Variants in EIF4B observed in about 807,000 individuals in gnomAD.
The protein encoded by EIF4B is eukaryotic translation initiation factor 4B.
Under a neutral mutation model 79.3 loss-of-function variants are expected in EIF4B, and 8 were observed. The observed-to-expected ratio is 0.10, with a 90% CI of 0.06 to 0.18. The LOEUF is 0.18. Among genes scored for constraint, EIF4B ranks in the 10% least tolerant of loss-of-function variants. The pLI is 1.00. For synonymous variants in EIF4B, 238 were observed against 274.7 expected, an observed-to-expected ratio of 0.87 and a Z score of 1.32; for missense variants, 515 against 792.4, an observed-to-expected ratio of 0.65 and a Z score of 4.20.
chr12:53,014,260 A>C (rs897442365), intron 1 of EIF4B, among the ~76,000 whole-genome samples: 2 of 152,018 alleles, frequency 1.3e-5, no homozygotes, highest in East Asian at 3.9e-4. Flanking sequence ...AAAAAAAAAA[A>C]AATTAGCCTG....
chr12:53,040,629 T>C lies in EIF4B; in HGVS notation c.*406T>C. 1 of 157,246 alleles carries C rather than the reference T, an allele frequency of 6.4e-6. No individual in the cohort carries two copies. The highest frequency in any genetic ancestry group is 1.4e-5 in the Non-Finnish European group (1 of 71,124). The allele number at this position is 157,246 out of a possible 1,614,324, so 9.7% of individuals were successfully genotyped here. On this transcript the variant is annotated 3_prime_UTR_variant, in exon 15 of 15. Coordinates refer to ENST00000262056, the MANE Select transcript of EIF4B (RefSeq NM_001417.7). ...TGTGAGATTTCTACCTTTTAGTTTT[T>C]ATCCTATTGTGGCATATATGAATTC...
chr12:53,037,290 T>C, intron 10 of EIF4B, 119 bp from the exon 11 acceptor site: 2 of 1,083,978 alleles, frequency 1.8e-6, no homozygotes, highest in East Asian at 5.2e-5. Context: ...GGTTTAGGGA[T>C]AAATCCATCT....
At chr12:53,024,475 A>G (rs1305892613) in intron 6 of EIF4B, among the ~76,000 whole-genome samples, 1 of 152,212 alleles carries the variant, frequency 6.6e-6, no homozygotes, top group East Asian at 1.9e-4. Flanking sequence ...GGATAGGGAA[A>G]ATTCTGTTTT....
intron 4 of EIF4B, 33 bp downstream of exon 4, chr12:53,020,059 G>T (rs772926233): frequency 7.2e-6 from 11 of 1,534,258 alleles, no homozygotes; most frequent in Middle Eastern, 1.7e-4. Flanking sequence ...TATGAGGGGT[G>T]TAAGTTCACA....
chr12:53,034,534 T>C, intron 9 of EIF4B, 78 bp from the exon 10 acceptor site: 1 of 1,344,260 alleles, frequency 7.4e-7, no homozygotes, highest in Non-Finnish European at 1.1e-6. Flanking sequence ...AAGTGATGGT[T>C]CTTGAGGGGT....
rs1943641502 is a variant in EIF4B, at chr12:53,041,680, A to C, written c.*1457A>C. 6.6e-6 allele frequency: 1 copy of C among 152,182 alleles called. No individual in the cohort carries two copies. The highest frequency in any genetic ancestry group is 1.5e-5 in the Non-Finnish European group (1 of 68,054). The allele number at this position is 152,182 out of a possible 1,614,324, so 9.4% of individuals were successfully genotyped here. A position where few individuals can be genotyped will look rare whatever the true frequency, so the allele number is the denominator to read the frequency against. ...AGAAACACCTTGATCTTGGTTTGCAAGCCCTTCTCCCATCAGTCCTAGATT... is the reference window on the plus strand; with the variant it reads ...AGAAACACCTTGATCTTGGTTTGCACGCCCTTCTCCCATCAGTCCTAGATT... On this transcript the variant is annotated 3_prime_UTR_variant, in exon 15 of 15. Transcript: ENST00000262056.
chr12:53,015,798 G>A (rs1282378530), intron 1 of EIF4B, among the ~76,000 whole-genome samples: 2 of 151,936 alleles, frequency 1.3e-5, no homozygotes, highest in African/African-American at 4.8e-5. Context: ...CCAACATGGT[G>A]AAACCCCGTC....
At chr12:53,035,588 T>A (rs942299614) in intron 10 of EIF4B, among the ~76,000 whole-genome samples, 5 of 152,000 alleles carry the variant, frequency 3.3e-5, no homozygotes, top group Admixed American at 2.0e-4. Flanking sequence ...CAGGATGGTC[T>A]CAATCTCCTG....
chr12:53,018,122 A>T (rs1943177436), intron 2 of EIF4B, among the ~76,000 whole-genome samples: 1 of 152,092 alleles, frequency 6.6e-6, no homozygotes, highest in Non-Finnish European at 1.5e-5. Flanking sequence ...TCCCAAGTAG[A>T]TGGGATTACT....
Position 53,041,807 on chromosome 12 carries a change from T to C in EIF4B, c.*1584T>C, listed in dbSNP as rs1005057797. On this transcript the variant is annotated 3_prime_UTR_variant, in exon 15 of 15. Transcript: ENST00000262056. ...TGGACAAAGGTGTGTACCAAGTGAATTTAAATAATTGGTGTGGATTGGCCA... is the reference window on the plus strand; with the variant it reads ...TGGACAAAGGTGTGTACCAAGTGAACTTAAATAATTGGTGTGGATTGGCCA... 6.8e-6 allele frequency: 1 copy of C among 147,712 alleles called. No individual in the cohort carries two copies. Among genetic ancestry groups the C allele is most frequent in the African/African-American group, 2.4e-5 (1 of 41,264 alleles). 9.2% of individuals were successfully genotyped at this position (147,712 alleles called of 1,614,324 possible).
intron 1 of EIF4B, chr12:53,008,562 T>G (rs1447024277): frequency 6.6e-6 from 1 of 152,210 alleles, no homozygotes; most frequent in Non-Finnish European, 1.5e-5. Flanking sequence ...ATACGCCTCT[T>G]TTACTGTTAA....
intron 14 of EIF4B, 44 bp downstream of exon 14, chr12:53,039,746 T>G (rs148794917): frequency 2.5e-6 from 4 of 1,575,202 alleles, no homozygotes; most frequent in Admixed American, 3.7e-5. Context: ...CTAAGAAAAA[T>G]TCTTAGAATT....
At chr12:53,039,558 T>C (rs1358435751) in intron 13 of EIF4B, 72 bp from the exon 14 acceptor site, 5 of 1,556,548 alleles carry the variant, frequency 3.2e-6, no homozygotes, top group East Asian at 4.6e-5. Flanking sequence ...GCCTTGAAAC[T>C]GCATGCATAC....
At position 53,040,298 on chromosome 12, in the gene EIF4B, C is replaced by T; in HGVS notation, c.*75C>T. The T allele has an allele frequency of 1.5e-6, 2 of 1,370,710 alleles. No individual in the cohort carries two copies. The highest frequency in any genetic ancestry group is 4.0e-5 in the Admixed American group (2 of 50,308). The allele number at this position is 1,370,710 out of a possible 1,614,324, so 84.9% of individuals were successfully genotyped here. ...TCGAGAGCAAATCAAAACCTCTATC[C>T]AGACAAGACAAAATAAAACTCACCA... On this transcript the variant is annotated 3_prime_UTR_variant, in exon 15 of 15. Coordinates refer to ENST00000262056, the MANE Select transcript of EIF4B (RefSeq NM_001417.7).
At chr12:53,037,238 T>G (rs1252623458) in intron 10 of EIF4B, among the ~76,000 whole-genome samples, 171 bp from the exon 11 acceptor site, 2 of 152,258 alleles carry the variant, frequency 1.3e-5, no homozygotes, top group Non-Finnish European at 2.9e-5. Context: ...TATTTCTCTG[T>G]GCATCAGTAA....
rs1271366298 is a variant in EIF4B at position 53,042,011 on chromosome 12, G to A, written c.*1788G>A. The A allele has an allele frequency of 6.6e-6, 1 of 152,364 alleles. No individual in the cohort carries two copies. Among genetic ancestry groups the A allele is most frequent in the Non-Finnish European group, 1.5e-5 (1 of 68,012 alleles). 9.4% of individuals were successfully genotyped at this position (152,364 alleles called of 1,614,324 possible). A position where few individuals can be genotyped will look rare whatever the true frequency, so the allele number is the denominator to read the frequency against. On this transcript the variant is annotated 3_prime_UTR_variant, in exon 15 of 15. Transcript: ENST00000262056. ...ACTGTTTTTCCCTCTCCCCTACCTT[G>A]TCCCCCCTATTAAAATAGAAACAGG...
chr12:53,040,464 A>G lies in EIF4B; in HGVS notation c.*241A>G. On this transcript the variant is annotated 3_prime_UTR_variant, in exon 15 of 15. Coordinates refer to ENST00000262056, the MANE Select transcript of EIF4B (RefSeq NM_001417.7). ...AAAGGGACTACAGCTTTTTAGAGGAAAAGTTGTGGTGCGTTATGTCACCAT... is the reference window on the plus strand; with the variant it reads ...AAAGGGACTACAGCTTTTTAGAGGAGAAGTTGTGGTGCGTTATGTCACCAT... 2.4e-6 allele frequency: 1 copy of G among 420,048 alleles called. No homozygotes were observed. The allele number at this position is 420,048 out of a possible 1,614,324, so 26.0% of individuals were successfully genotyped here. A position where few individuals can be genotyped will look rare whatever the true frequency, so the allele number is the denominator to read the frequency against.
At chr12:53,021,890 G>A (rs1943251622) in intron 5 of EIF4B, 30 bp downstream of exon 5, 1 of 1,613,846 alleles carries the variant, frequency 6.2e-7, no homozygotes, top group South Asian at 1.1e-5. Context: ...TTTCTGTTTG[G>A]TAATGGTCCC....
chr12:53,040,033 G>A (rs1943605470), intron 14 of EIF4B, 110 bp from the exon 15 acceptor site: 5 of 1,229,160 alleles, frequency 4.1e-6, no homozygotes, highest in East Asian at 2.4e-5. Flanking sequence ...AAGCAAGTGG[G>A]TGTCATCTGA....
Sources: gnomAD v4.1 joint callset for allele counts (sites outside exome capture counted in the v4.1 genomes callset) on GRCh38, gnomAD v4.1.1 for gene constraint, MANE v1.5 for transcripts, NCBI Gene and HGNC (gene_info 2026-07-23, HGNC 2026-07-21) for gene names.